OTOP1: variants seen among roughly 807,000 people sequenced by gnomAD.
OTOP1 encodes proton channel OTOP1.
Under a neutral mutation model 52.9 loss-of-function variants are expected in OTOP1, and 59 were observed. The ratio of observed to expected loss-of-function variants is 1.12; its 90% CI spans 0.91 to 1.39. The LOEUF (loss-of-function observed/expected upper bound fraction) is 1.39. OTOP1 is among the 40% of genes most tolerant of loss of function. The pLI, the probability that OTOP1 is intolerant of heterozygous loss-of-function variation, is 0.00. For synonymous variants in OTOP1, 317 were observed against 337.7 expected, an observed-to-expected ratio of 0.94 and a Z score of 0.67; for missense variants, 761 against 800.9, an observed-to-expected ratio of 0.95 and a Z score of 0.60.
At chr4:4,202,205 A>G (rs1204733630) in intron 4 of OTOP1, among the ~76,000 whole-genome samples, 4 of 152,198 alleles carry the variant, frequency 2.6e-5, no homozygotes, top group Non-Finnish European at 5.9e-5. Context: ...CAGAATAATC[A>G]CCGTGGGTCT....
rs1716694867 is a variant in OTOP1, at chr4:4,198,098, C to G, written c.736G>C (p.Asp246His). Residue 246 changes from aspartate to histidine, a missense_variant, in exon 5 of 6, where the codon GAT becomes CAT. Transcript: ENST00000296358. ...CAGTTACACTGCGGTGTGTGGTCAT[C>G]TAAAACTAGGGGAGACAGGTAGATC... ...LGFGNITTVL[D>H]DHTPQCNCTP... 1 of 1,611,634 alleles carries G rather than the reference C, an allele frequency of 6.2e-7. No individual in the cohort carries two copies. The highest frequency in any genetic ancestry group is 1.3e-5 in the African/African-American group (1 of 74,842).
chr4:4,211,231 A>T (rs1717019317), intron 2 of OTOP1, among the ~76,000 whole-genome samples: 1 of 152,234 alleles, frequency 6.6e-6, no homozygotes, highest in African/African-American at 2.4e-5. Flanking sequence ...TGGATAAAAG[A>T]TGAAGTTTTA....
chr4:4,196,828 C>G (rs918679758), intron 5 of OTOP1, among the ~76,000 whole-genome samples: 1 of 152,216 alleles, frequency 6.6e-6, no homozygotes, highest in Non-Finnish European at 1.5e-5. Flanking sequence ...CTGGATAGAA[C>G]TGGAGGCCTT....
At chr4:4,190,241 G>A (rs1324057286) in intron 5 of OTOP1, among the ~76,000 whole-genome samples, 1 of 152,166 alleles carries the variant, frequency 6.6e-6, no homozygotes, top group Non-Finnish European at 1.5e-5. Context: ...GGGAGGCCAA[G>A]GCAGGTGGAT....
chr4:4,189,113 C>T lies in OTOP1; in HGVS notation c.1669-140G>A, dbSNP rs955158936. 11 of 717,272 alleles carry T rather than the reference C, an allele frequency of 1.5e-5. No individual in the cohort carries two copies. In the African/African-American group the frequency reaches 1.8e-4, roughly 12 times the overall value. 44.4% of individuals were successfully genotyped at this position (717,272 alleles called of 1,614,324 possible). On this transcript the variant is annotated intron_variant, in intron 5 of 5. Coordinates refer to ENST00000296358, the MANE Select transcript of OTOP1 (RefSeq NM_177998.3). ...ACCCCTGACAGAACAATAAGGAGAC[C>T]TCATGGCATTTCCCATCTCCACAGA...
In OTOP1 at chr4:4,198,090, G is replaced by T; in HGVS notation, c.744C>A (p.His248Gln). 2 of 1,613,020 alleles carry T rather than the reference G, an allele frequency of 1.2e-6. No individual in the cohort carries two copies. Among genetic ancestry groups the T allele is most frequent in the Non-Finnish European group, 1.7e-6 (2 of 1,179,048 alleles). Residue 248 changes from histidine (H) to glutamine (Q), a missense_variant, in exon 5 of 6, where the codon CAC (histidine) becomes CAA (glutamine). Transcript: ENST00000296358. ...FGNITTVLDDHTPQCNCTPPT... is the reference protein window; with the variant it reads ...FGNITTVLDDQTPQCNCTPPT... ...GGGGCGTGCAGTTACACTGCGGTGT[G>T]TGGTCATCTAAAACTAGGGGAGACA...
chr4:4,226,147 G>T (rs1463413391), intron 1 of OTOP1, among the ~76,000 whole-genome samples: 1 of 152,212 alleles, frequency 6.6e-6, no homozygotes, highest in African/African-American at 2.4e-5. Flanking sequence ...AGGAGAGGGA[G>T]CGTGGCCTCC....
At chr4:4,205,409 A>G (rs1404576602) in intron 3 of OTOP1, among the ~76,000 whole-genome samples, 7 of 152,216 alleles carry the variant, frequency 4.6e-5, no homozygotes. Flanking sequence ...CAAAAACAAA[A>G]GATCTTGCTA....
rs1717056921 is a variant in OTOP1, at chr4:4,212,930, C to T, written c.478G>A (p.Glu160Lys). 1.2e-6 allele frequency: 2 copies of T among 1,614,062 alleles called. No individual in the cohort carries two copies. The highest frequency in any genetic ancestry group is 2.2e-5 in the East Asian group (1 of 44,886). Residue 160 changes from glutamate (E) to lysine (K), a missense_variant, in exon 2 of 6, where the codon GAA becomes AAA. By Grantham distance (56) the Glu-to-Lys change is moderately conservative (BLOSUM62 1). Transcript: ENST00000296358. ...LKIGYFIGFS[E>K]CLSATEGVFP... ...ACTCCTTCAGTGGCTGATAAACATT[C>T]TGAAAATCCAATGAAGTATCCAATT... is the stretch of plus-strand genomic sequence containing the variant.
chr4:4,198,157 AC>A (rs950848075), intron 4 of OTOP1, 54 bp from the exon 5 acceptor site: 6 of 1,429,162 alleles, frequency 4.2e-6, no homozygotes, highest in Non-Finnish European at 5.8e-6. Flanking sequence ...GCAAGGGGGA[AC>A]AGAAAAGCAC....
chr4:4,213,597 C>T lies in OTOP1; in HGVS notation c.404-593G>A, dbSNP rs73793124. On this transcript the variant is annotated intron_variant, in intron 1 of 5. Transcript: ENST00000296358. ...TTTGGTGGTTGAGTTTATTTTACTT[C>T]GCATAATGTCGTCATGGCTCATCCA... Among the ~76,000 whole-genome samples the T allele has an allele frequency of 9.2e-3, 1,407 of 152,210 alleles. 29 individuals carry two copies. The highest frequency in any genetic ancestry group is 0.032 in the African/African-American group (1,340 of 41,528).
chr4:4,202,585 A>G lies in OTOP1; in HGVS notation c.600-7T>C. 1 of 1,613,390 alleles carries G rather than the reference A, an allele frequency of 6.2e-7. No homozygotes were observed. The highest frequency in any genetic ancestry group is 8.5e-7 in the Non-Finnish European group (1 of 1,179,508). On this transcript the variant is annotated splice_polypyrimidine_tract_variant and splice_region_variant and intron_variant, in intron 3 of 5. Transcript: ENST00000296358. ...CGAGTGGATCACTCCAAACCTGAAA[A>G]ACACAAGGACTCAGTTCTCAAGCAG...
chr4:4,213,444 C>T (rs796091453), intron 1 of OTOP1, among the ~76,000 whole-genome samples: 5 of 152,244 alleles, frequency 3.3e-5, no homozygotes, highest in East Asian at 1.9e-4. Flanking sequence ...ACCAACGAAG[C>T]GGAAAGACAG....
chr4:4,218,340 C>T (rs1717192913), intron 1 of OTOP1, among the ~76,000 whole-genome samples: 2 of 147,942 alleles, frequency 1.4e-5, no homozygotes, highest in East Asian at 2.0e-4. Flanking sequence ...TGCAGTGAAC[C>T]GAGATTGCGC....
At chr4:4,195,918 T>C (rs1188516631) in intron 5 of OTOP1, among the ~76,000 whole-genome samples, 1 of 152,174 alleles carries the variant, frequency 6.6e-6, no homozygotes, top group East Asian at 1.9e-4. Context: ...GGAAAGAGAC[T>C]GAGTCTTTCC....
At chr4:4,206,224 T>C in intron 2 of OTOP1, 94 bp from the exon 3 acceptor site, 1 of 1,061,278 alleles carries the variant, frequency 9.4e-7, no homozygotes, top group Non-Finnish European at 1.4e-6. Context: ...AGAAAATGTA[T>C]GAGAAAATGC....
chr4:4,197,448 C>T lies in OTOP1; in HGVS notation c.1386G>A (p.Arg462=), dbSNP rs1459079708. ...EKLSEDIQTL[R]VVTVCNGNTM... Reference sequence around the variant, plus strand: ...TGTTGCCATTGCAGACTGTGACCACCCGAAGGGTTTGGATGTCCTCAGAGA... The same window carrying T: ...TGTTGCCATTGCAGACTGTGACCACTCGAAGGGTTTGGATGTCCTCAGAGA... Residue 462 remains arginine, a synonymous_variant, in exon 5 of 6, where the codon CGG becomes CGA. Coordinates refer to ENST00000296358, the MANE Select transcript of OTOP1 (RefSeq NM_177998.3). 3 of 1,613,796 alleles carry T rather than the reference C, an allele frequency of 1.9e-6. No homozygotes were observed. The highest frequency in any genetic ancestry group is 2.5e-6 in the Non-Finnish European group (3 of 1,179,980).
chr4:4,205,938 T>G, intron 3 of OTOP1, 134 bp downstream of exon 3: 4 of 762,046 alleles, frequency 5.2e-6, no homozygotes, highest in Non-Finnish European at 8.6e-6. Context: ...CAGCCACAAG[T>G]GAGAGCTTAG....
intron 4 of OTOP1, among the ~76,000 whole-genome samples, chr4:4,199,570 G>A (rs2980129): frequency 0.6 from 90,246 of 151,624 alleles, 27,319 homozygotes; most frequent in African/African-American, 0.65. Flanking sequence ...GTGCCACCAC[G>A]CCCGGCTAAT....
Sources: gnomAD v4.1 joint callset for allele counts (sites outside exome capture counted in the v4.1 genomes callset) on GRCh38, gnomAD v4.1.1 for gene constraint, MANE v1.5 for transcripts, NCBI Gene and HGNC (gene_info 2026-07-23, HGNC 2026-07-21) for gene names.